Variants in GP6 observed in about 807,000 individuals in gnomAD.
GP6 encodes platelet glycoprotein VI.
Under a neutral mutation model 37.3 loss-of-function variants are expected in GP6, and 45 were observed. The observed-to-expected ratio is 1.21, with a 90% CI of 0.95 to 1.55. GP6 has a LOEUF of 1.55. GP6 is among the 40% of genes most tolerant of loss of function. The probability of loss-of-function intolerance (pLI) is 0.00; values close to 1 mark genes in which losing one functional copy is unlikely to be tolerated. For missense variants in GP6, 813 were observed against 760.2 expected (o/e 1.07, Z -0.82); for synonymous variants, 340 against 316.4 (o/e 1.07, Z -0.79).
chr19:55,019,677 TC>T (rs1225949718), intron 5 of GP6, among the ~76,000 whole-genome samples: 1 of 127,644 alleles, frequency 7.8e-6, no homozygotes, highest in African/African-American at 2.8e-5. Context: ...TTTCTTTTTT[TC>T]TTTTTTTTTT....
chr19:55,034,150 A>ATGTGTGGGTG (rs2074729495), intron 1 of GP6, among the ~76,000 whole-genome samples: 1 of 149,158 alleles, frequency 6.7e-6, no homozygotes. Flanking sequence ...ATATGTATGC[A>ATGTGTGGGTG]TGTGTGTGTG....
At chr19:55,026,176 C>G (rs2074295463) in intron 4 of GP6, among the ~76,000 whole-genome samples, 1 of 152,160 alleles carries the variant, frequency 6.6e-6, no homozygotes, top group South Asian at 2.1e-4. Flanking sequence ...ACAGATTTTT[C>G]TACCAAAAAC....
chr19:55,014,281 T>G lies in GP6; in HGVS notation c.1664A>C (p.Lys555Thr). ...ACCACACCTGGCTAATTTTTGTGTTTTTTTGTTTTGTTGGTAGAGATGAGG... is the reference window on the plus strand; with the variant it reads ...ACCACACCTGGCTAATTTTTGTGTTGTTTTGTTTTGTTGGTAGAGATGAGG... The change falls in exon 8 of 8, where the codon AAA becomes ACA. Residue 555 changes from lysine to threonine, a missense_variant. By Grantham distance (78) the Lys-to-Thr change is moderately conservative. Transcript: ENST00000310373. 2 of 1,372,632 alleles carry G rather than the reference T, an allele frequency of 1.5e-6. No individual in the cohort carries two copies. Among genetic ancestry groups the G allele is most frequent in the South Asian group, 2.3e-5 (2 of 86,214 alleles). 85.0% of individuals were successfully genotyped at this position (1,372,632 alleles called of 1,614,324 possible). A position where few individuals can be genotyped will look rare whatever the true frequency, so the allele number is the denominator to read the frequency against.
intron 4 of GP6, among the ~76,000 whole-genome samples, chr19:55,025,660 C>T (rs528813999): frequency 4.0e-5 from 6 of 151,518 alleles, no homozygotes; most frequent in East Asian, 3.9e-4. Context: ...GATCTGAGAT[C>T]GCACCACTGC....
Position 55,024,333 on chromosome 19 carries a change from C to T in GP6, c.664+885G>A, listed in dbSNP as rs62121985. ...ATATGCACGCACACACACATATGCACGCACACACGCACATGCACGCACACA... is the reference window on the plus strand; with the variant it reads ...ATATGCACGCACACACACATATGCATGCACACACGCACATGCACGCACACA... On this transcript the variant is annotated intron_variant, in intron 5 of 7. Coordinates refer to ENST00000310373, the MANE Select transcript of GP6 (RefSeq NM_001083899.2). Among the ~76,000 whole-genome samples, 80 of 59,738 alleles carry T rather than the reference C, an allele frequency of 1.3e-3. 1 individual carries two copies. The highest frequency in any genetic ancestry group is 0.011 in the Admixed American group (67 of 6,046). The allele number at this position is 59,738 out of a possible 152,430, so 39.2% of individuals were successfully genotyped here. A position where few individuals can be genotyped will look rare whatever the true frequency, so the allele number is the denominator to read the frequency against.
chr19:55,019,638 C>T (rs936322396), intron 5 of GP6, among the ~76,000 whole-genome samples: 5 of 151,144 alleles, frequency 3.3e-5, no homozygotes, highest in Non-Finnish European at 5.9e-5. Context: ...CCTCAGAACA[C>T]GGGATCTCCA....
intron 1 of GP6, among the ~76,000 whole-genome samples, chr19:55,033,170 G>C (rs76119396): frequency 6.8e-6 from 1 of 147,496 alleles, no homozygotes; most frequent in Admixed American, 6.8e-5. Context: ...GACGCGGTGG[G>C]TTCGTTCGTG....
At chr19:55,015,804 AACACAC>A (rs974768162) in intron 6 of GP6, 71 bp from the exon 7 acceptor site, 2 of 782,540 alleles carry the variant, frequency 2.6e-6, no homozygotes, top group Admixed American at 3.8e-5. Flanking sequence ...GCCTACTCCG[AACACAC>A]ACACACATGG....
chr19:55,015,213 G>A (rs2073827262), intron 7 of GP6, 48 bp from the exon 8 acceptor site: 3 of 1,549,762 alleles, frequency 1.9e-6, no homozygotes, highest in East Asian at 2.4e-5. Context: ...CCCACCTCCA[G>A]GACCCCCTCC....
chr19:55,027,907 C>T (rs754068931), intron 3 of GP6, 45 bp from the exon 4 acceptor site: 2 of 1,602,316 alleles, frequency 1.2e-6, no homozygotes, highest in Non-Finnish European at 1.7e-6. Context: ...GAGCCAGCAT[C>T]TCAGCTGAGA....
At chr19:55,025,490 G>A (rs2074266295) in intron 4 of GP6, among the ~76,000 whole-genome samples, 1 of 152,152 alleles carries the variant, frequency 6.6e-6, no homozygotes, top group Admixed American at 6.5e-5. Context: ...CAGATCACTT[G>A]AGGTCAGGAG....
intron 1 of GP6, among the ~76,000 whole-genome samples, chr19:55,034,505 A>G (rs2074750672): frequency 6.6e-6 from 1 of 151,758 alleles, no homozygotes; most frequent in Admixed American, 6.6e-5. Flanking sequence ...GCAGTGAGCC[A>G]AGATCACGCC....
chr19:55,020,902 A>T lies in GP6; in HGVS notation c.665-2191T>A, dbSNP rs575621728. On this transcript the variant is annotated intron_variant, in intron 5 of 7. Coordinates refer to ENST00000310373, the MANE Select transcript of GP6 (RefSeq NM_001083899.2). ...TCCCGTCTCTAGCAAAAATCCAAAA[A>T]TTAGCCAGGCGTTGTGGCATGCACC... is the stretch of plus-strand genomic sequence containing the variant. 4.0e-5 allele frequency among the ~76,000 whole-genome samples: 6 copies of T among 151,758 alleles called. No homozygotes were observed. The South Asian group carries it at 1.3e-3, about 32-fold the overall frequency.
At position 55,027,682 on chromosome 19, in the gene GP6, G is replaced by A; in HGVS notation, c.506C>T (p.Thr169Met). 1 of 1,612,548 alleles carries A rather than the reference G, an allele frequency of 6.2e-7. No individual in the cohort carries two copies. ...GGTTCCGCTGTGGGCGGCGGTCACC[G>A]TGATGATGGGAAAACTAGCCCTGTA... Residue 169 changes from threonine (T) to methionine (M), a missense_variant, in exon 4 of 8, where the codon ACG becomes ATG. Transcript: ENST00000310373.
At position 55,014,923 on chromosome 19, in the gene GP6, A is replaced by G; in HGVS notation, c.1022T>C (p.Met341Thr). Residue 341 changes from methionine (M) to threonine (T), a missense_variant, in exon 8 of 8, where the codon ATG becomes ACG. Met to Thr is a moderately conservative substitution (Grantham distance 81). Transcript: ENST00000310373. Reference sequence around the variant, plus strand: ...CGACCGTGCCTGGGGTTCAGCGGTCATGAACATAACCCGCGGCTGTGAACA... The same window carrying G: ...CGACCGTGCCTGGGGTTCAGCGGTCGTGAACATAACCCGCGGCTGTGAACA... The G allele has an allele frequency of 6.2e-7, 1 of 1,613,574 alleles. No individual in the cohort carries two copies. The highest frequency in any genetic ancestry group is 8.5e-7 in the Non-Finnish European group (1 of 1,179,938).
intron 5 of GP6, among the ~76,000 whole-genome samples, chr19:55,019,678 CTTT>C (rs770367312): frequency 2.4e-5 from 3 of 126,736 alleles, no homozygotes; most frequent in Admixed American, 8.3e-5. Context: ...TTCTTTTTTT[CTTT>C]TTTTTTTTTT....
rs1057261823 is a variant in GP6, at chr19:55,025,256, G to A, written c.626C>T (p.Pro209Leu). The change falls in exon 5 of 8, where the codon CCC becomes CTC. Residue 209 changes from proline (P) to leucine (L), a missense_variant. By Grantham distance (98) the Pro-to-Leu change is moderately conservative. Coordinates refer to ENST00000310373, the MANE Select transcript of GP6 (RefSeq NM_001083899.2). Reference sequence around the variant, plus strand: ...AGGTGGTTCTGTTGGTAACCGGCTGGGGGTCACAGAGGTTCCTGGGAAATC... The same window carrying A: ...AGGTGGTTCTGTTGGTAACCGGCTGAGGGTCACAGAGGTTCCTGGGAAATC... 2 of 1,547,792 alleles carry A rather than the reference G, an allele frequency of 1.3e-6. No individual in the cohort carries two copies. The highest frequency in any genetic ancestry group is 1.7e-6 in the Non-Finnish European group (2 of 1,143,422).
Position 55,022,015 on chromosome 19 carries a change from ATTTG to A in GP6, c.664+3199_664+3202del, listed in dbSNP as rs761918913. 4.6e-5 allele frequency among the ~76,000 whole-genome samples: 7 copies of A among 151,254 alleles called. No individual in the cohort carries two copies. The East Asian group carries it at 7.7e-4, about 17-fold the overall frequency. ...TTTAATGGTTTTTTTTTTCTTGTAAATTTGTTTAACTTCCTTGTAGATTCTGGAT... is the reference window on the plus strand; with the variant it reads ...TTTAATGGTTTTTTTTTTCTTGTAAATTTAACTTCCTTGTAGATTCTGGAT... On this transcript the variant is annotated intron_variant, in intron 5 of 7. Coordinates refer to ENST00000310373, the MANE Select transcript of GP6 (RefSeq NM_001083899.2).
Position 55,014,920 on chromosome 19 carries a change from G to A in GP6, c.1025C>T (p.Thr342Ile), listed in dbSNP as rs1638248169. The A allele has an allele frequency of 2.5e-6, 4 of 1,613,648 alleles. No individual in the cohort carries two copies. The highest frequency in any genetic ancestry group is 3.4e-6 in the Non-Finnish European group (4 of 1,179,964). The change falls in exon 8 of 8, where the codon ACC (threonine) becomes ATC (isoleucine). Residue 342 changes from threonine to isoleucine, a missense_variant. Coordinates refer to ENST00000310373, the MANE Select transcript of GP6 (RefSeq NM_001083899.2). ...ATACGACCGTGCCTGGGGTTCAGCG[G>A]TCATGAACATAACCCGCGGCTGTGA...
Sources: gnomAD v4.1 joint callset for allele counts (sites outside exome capture counted in the v4.1 genomes callset) on GRCh38, gnomAD v4.1.1 for gene constraint, MANE v1.5 for transcripts, NCBI Gene and HGNC (gene_info 2026-07-23, HGNC 2026-07-21) for gene names.